Variants in MACF1 observed in about 807,000 individuals in gnomAD.
MACF1 encodes microtubule-actin cross-linking factor 1.
A neutral mutation model predicts 854.8 loss-of-function variants in MACF1; 193 were observed. The ratio of observed to expected loss-of-function variants is 0.23; its 90% CI spans 0.20 to 0.25. The LOEUF (loss-of-function observed/expected upper bound fraction) is 0.25. MACF1 is among the 10% of genes least tolerant of loss of function. The probability of loss-of-function intolerance (pLI) is 1.00; values close to 1 mark genes in which losing one functional copy is unlikely to be tolerated. For synonymous variants in MACF1, 3,185 were observed against 3,226.7 expected (o/e 0.99, Z 0.44); for missense variants, 7,722 against 8,929.1 (o/e 0.86, Z 5.45).
intron 97 of MACF1, among the ~76,000 whole-genome samples, chr1:39,477,149 CACACAG>C (rs1644923201): frequency 1.6e-5 from 1 of 61,788 alleles, no homozygotes; most frequent in African/African-American, 5.1e-5. Flanking sequence ...CACACACACA[CACACAG>C]ATGTGCAAAG....
chr1:39,185,800 C>T (rs1644161415), intron 2 of MACF1, among the ~76,000 whole-genome samples: 1 of 152,126 alleles, frequency 6.6e-6, no homozygotes, highest in Non-Finnish European at 1.5e-5. Flanking sequence ...AGCAATATTC[C>T]TCCTCCCTGC....
chr1:39,290,978 A>AC (rs1470609960), intron 15 of MACF1, among the ~76,000 whole-genome samples: 3 of 146,084 alleles, frequency 2.1e-5, no homozygotes. Flanking sequence ...CCCAGTCTCA[A>AC]CTTTTTTTTT....
At chr1:39,389,220 T>A (rs1261523772) in intron 58 of MACF1, among the ~76,000 whole-genome samples, 5 of 152,040 alleles carry the variant, frequency 3.3e-5, no homozygotes, top group African/African-American at 1.2e-4. Flanking sequence ...TATAACCAAT[T>A]AAGGATATAG....
intron 2 of MACF1, among the ~76,000 whole-genome samples, chr1:39,097,476 C>A (rs1481502603): frequency 3.3e-5 from 5 of 152,040 alleles, no homozygotes; most frequent in Non-Finnish European, 7.4e-5. Context: ...AACCCCAGAA[C>A]TTTAGGAGGC....
At chr1:39,090,717 G>A (rs555613623) in intron 2 of MACF1, among the ~76,000 whole-genome samples, 2 of 152,330 alleles carry the variant, frequency 1.3e-5, no homozygotes, top group Admixed American at 1.3e-4. Flanking sequence ...TGGTTACTTT[G>A]GGGACTGTGG....
At chr1:39,216,797 C>A (rs1303025410) in intron 1 of MACF1, among the ~76,000 whole-genome samples, 1 of 151,916 alleles carries the variant, frequency 6.6e-6, no homozygotes, top group Non-Finnish European at 1.5e-5. Context: ...TTTCCTGTAA[C>A]CAACAAAGAA....
Position 39,105,433 on chromosome 1 carries a change from C to T in MACF1, c.220+20995C>T, listed in dbSNP as rs867464784. ...CCGGGACCGGCGGAGCGCGAGCGGG[C>T]CGGGTGCGAGCGGACTGAGGAGCGG... On this transcript the variant is annotated intron_variant, in intron 2 of 93. Transcript: ENST00000361689. The surrounding 1 kb of genome is among the most constrained non-coding windows in gnomAD (Gnocchi z 5.9). 195 of 992,482 alleles carry T rather than the reference C, an allele frequency of 2.0e-4. 3 individuals carry two copies. The South Asian group carries it at 6.6e-3, about 34-fold the overall frequency. 61.5% of individuals were successfully genotyped at this position (992,482 alleles called of 1,614,324 possible). A position where few individuals can be genotyped will look rare whatever the true frequency, so the allele number is the denominator to read the frequency against.
At chr1:39,287,622 T>G in intron 15 of MACF1, 60 bp downstream of exon 15, 1 of 1,584,396 alleles carries the variant, frequency 6.3e-7, no homozygotes, top group Non-Finnish European at 8.6e-7. Context: ...TGGAAGCTTA[T>G]CTAAGAGGAC....
chr1:39,468,541 C>T, intron 95 of MACF1, 74 bp from the exon 96 acceptor site: 3 of 1,194,248 alleles, frequency 2.5e-6, no homozygotes, highest in African/African-American at 1.5e-5. Context: ...TGTCTGAATA[C>T]AGTCTGCTTT....
intron 48 of MACF1, 66 bp downstream of exon 48, chr1:39,361,067 T>C: frequency 7.3e-7 from 1 of 1,377,004 alleles, no homozygotes; most frequent in African/African-American, 1.4e-5. Flanking sequence ...TTACATAATG[T>C]TGAAAAAGTA....
At chr1:39,300,504 A>AT (rs1260138487) in intron 22 of MACF1, 142 bp downstream of exon 22, 35 of 679,108 alleles carry the variant, frequency 5.2e-5, no homozygotes, top group Non-Finnish European at 6.3e-5. Flanking sequence ...CTCTCCTATC[A>AT]TTTAAAAAAA....
intron 36 of MACF1, chr1:39,328,667 CTCTA>C (rs908924020): frequency 2.0e-5 from 3 of 152,320 alleles, no homozygotes; most frequent in East Asian, 1.9e-4. Flanking sequence ...CTCCATAAGG[CTCTA>C]TCTTTTATCT....
intron 6 of MACF1, among the ~76,000 whole-genome samples, chr1:39,267,626 A>G (rs1178862101): frequency 2.0e-5 from 3 of 152,264 alleles, no homozygotes; most frequent in African/African-American, 7.2e-5. Flanking sequence ...CATGTAAATA[A>G]CTTTACACAG....
rs181287038 is a variant in MACF1, at chr1:39,447,730, C to T, written c.19800C>T (p.Ile6600=). Residue 6600 remains isoleucine, a synonymous_variant, in exon 82 of 101, where the codon ATC becomes ATT. Coordinates refer to ENST00000564288, the MANE Select transcript of MACF1 (RefSeq NM_001394062.1). ...ANEVNAHRDQ[I]IELDQTGNQL... is the part of the protein sequence containing the mutation. Reference sequence around the variant, plus strand: ...AAGTAAATGCTCATCGAGACCAGATCATTGAGCTGGATCAAACTGGGAATC... The same window carrying T: ...AAGTAAATGCTCATCGAGACCAGATTATTGAGCTGGATCAAACTGGGAATC... 4.5e-5 allele frequency: 72 copies of T among 1,614,128 alleles called. No individual in the cohort carries two copies. The African/African-American group carries it at 8.4e-4, about 19-fold the overall frequency.
At chr1:39,164,312 C>T (rs1370450214) in intron 2 of MACF1, among the ~76,000 whole-genome samples, 1 of 152,122 alleles carries the variant, frequency 6.6e-6, no homozygotes, top group Non-Finnish European at 1.5e-5. Flanking sequence ...AATTTTATTT[C>T]ACTTTTAAAG....
At chr1:39,372,010 G>A (rs1242232207) in intron 51 of MACF1, among the ~76,000 whole-genome samples, 1 of 151,850 alleles carries the variant, frequency 6.6e-6, no homozygotes, top group African/African-American at 2.4e-5. Context: ...GTAGAGACGG[G>A]GTTTCACCAT....
chr1:39,251,269 G>A (rs1645037752), intron 3 of MACF1, among the ~76,000 whole-genome samples: 1 of 152,042 alleles, frequency 6.6e-6, no homozygotes, highest in Non-Finnish European at 1.5e-5. Flanking sequence ...TTAATTTCTA[G>A]TTCTTGCTCT....
chr1:39,383,843 C>G (rs1249694678), intron 56 of MACF1, among the ~76,000 whole-genome samples: 1 of 151,860 alleles, frequency 6.6e-6, no homozygotes, highest in Non-Finnish European at 1.5e-5. Flanking sequence ...CACCACTGCA[C>G]TCCAGCCTGG....
chr1:39,268,771 C>T (rs1175184953), intron 6 of MACF1: 1 of 1,289,636 alleles, frequency 7.8e-7, no homozygotes, highest in Non-Finnish European at 1.0e-6. Context: ...CCCATATCTC[C>T]TAAGAAAAGG....
Sources: allele counts gnomAD v4.1 joint callset (sites outside exome capture counted in the v4.1 genomes callset), GRCh38; gene constraint gnomAD v4.1.1; non-coding constraint Gnocchi (gnomAD v3.1); transcripts MANE v1.5; gene names NCBI Gene and HGNC (gene_info 2026-07-23, HGNC 2026-07-21).